The following CBX2 variants were observed in gnomAD, a reference collection of about 807,000 sequenced individuals.
The protein encoded by CBX2 is chromobox 2.
Under a neutral mutation model 21.0 loss-of-function variants are expected in CBX2, and 11 were observed. The ratio of observed to expected loss-of-function variants is 0.52; its 90% CI spans 0.33 to 0.87. CBX2 has a LOEUF of 0.87. Ranked by LOEUF, CBX2 falls within the 40% of genes least tolerant of loss-of-function variation. CBX2 has a pLI of 0.02. For synonymous variants in CBX2, 364 were observed against 304.6 expected (o/e 1.19, Z -2.03); for missense variants, 746 against 724.3 (o/e 1.03, Z -0.34).
upstream of CBX2, chr17:79,778,006 CCCCGCCCCGCCCCGCA>C (rs1336896626): frequency 6.9e-6 from 1 of 145,584 alleles, no homozygotes; most frequent in African/African-American, 2.5e-5. The surrounding 1 kb of genome is among the most constrained non-coding windows in gnomAD (Gnocchi z 4.8). Flanking sequence ...ACAATGCGCG[CCCCGCCCCGCCCCGCA>C]CCCGCCCCCC....
Position 79,783,771 on chromosome 17 carries a change from T to C in CBX2, c.328T>C (p.Ser110Pro), listed in dbSNP as rs1162618766. ...CTCCAAATCCAAGTCCAGCAGTTCC[T>C]CCTCTTCCTCCACGTCATCCTCCTC... ...APSKSKSSSS[S>P]SSSTSSSSSS... Residue 110 changes from serine (S) to proline (P), a missense_variant, in exon 5 of 5, where the codon TCC (serine) becomes CCC (proline). Ser to Pro is a moderately conservative substitution (Grantham distance 74, BLOSUM62 -1). Coordinates refer to ENST00000310942, the MANE Select transcript of CBX2 (RefSeq NM_005189.3). 2 of 1,559,304 alleles carry C rather than the reference T, an allele frequency of 1.3e-6. No individual in the cohort carries two copies. The highest frequency in any genetic ancestry group is 1.7e-6 in the Non-Finnish European group (2 of 1,151,466).
chr17:79,778,342 C>T lies in CBX2; in HGVS notation c.72+35C>T, dbSNP rs1906893319. 1 of 1,575,022 alleles carries T rather than the reference C, an allele frequency of 6.3e-7. No individual in the cohort carries two copies. Among genetic ancestry groups the T allele is most frequent in the Non-Finnish European group, 8.6e-7 (1 of 1,165,696 alleles). On this transcript the variant is annotated intron_variant, in intron 1 of 4. Transcript: ENST00000310942. This position sits in a 1 kb window ranked among gnomAD's most constrained non-coding sequence, Gnocchi z 4.8. ...GCCCGCCGGGCCCCCCGCCCGCCGC[C>T]CGCTGTCCGTCTGGCTCACGGCCCC...
intron 3 of CBX2, among the ~76,000 whole-genome samples, chr17:79,779,959 C>T (rs1168851531): frequency 6.6e-6 from 1 of 152,266 alleles, no homozygotes; most frequent in Non-Finnish European, 1.5e-5. Context: ...CTGCAGCATA[C>T]AGTACCAAGT....
rs1362384226 is a variant in CBX2 at position 79,785,309 on chromosome 17, AC to A, written c.*270del. ...TTGCTCTCCCCTCTTGCCTCAGGAAACCCGGTGGCACCTGTGGCTCCAGGTG... is the reference window on the plus strand; with the variant it reads ...TTGCTCTCCCCTCTTGCCTCAGGAAACCGGTGGCACCTGTGGCTCCAGGTG... On this transcript the variant is annotated 3_prime_UTR_variant, in exon 5 of 5. Coordinates refer to ENST00000310942, the MANE Select transcript of CBX2 (RefSeq NM_005189.3). 5.5e-6 allele frequency: 3 copies of A among 546,078 alleles called. No individual in the cohort carries two copies. The highest frequency in any genetic ancestry group is 9.9e-6 in the Non-Finnish European group (3 of 302,156). The allele number at this position is 546,078 out of a possible 1,614,324, so 33.8% of individuals were successfully genotyped here. A position where few individuals can be genotyped will look rare whatever the true frequency, so the allele number is the denominator to read the frequency against.
At chr17:79,782,419 G>T (rs563601496) in intron 4 of CBX2, 1 of 1,329,444 alleles carries the variant, frequency 7.5e-7, no homozygotes, top group African/African-American at 1.5e-5. Context: ...CCTGGGGTCC[G>T]TGGTAGGGCC....
At chr17:79,782,302 G>C (rs574033966) in intron 4 of CBX2, 2 of 1,517,314 alleles carry the variant, frequency 1.3e-6, no homozygotes, top group Non-Finnish European at 1.8e-6. Context: ...CTTGGAGGAG[G>C]GCAGAGGCAG....
chr17:79,781,406 C>T (rs576566066), intron 3 of CBX2, among the ~76,000 whole-genome samples: 3 of 152,274 alleles, frequency 2.0e-5, no homozygotes, highest in South Asian at 4.1e-4. Flanking sequence ...AGCAGTGCAC[C>T]TGCAGGAAGC....
At chr17:79,780,723 G>A (rs915626883) in intron 3 of CBX2, among the ~76,000 whole-genome samples, 7 of 152,136 alleles carry the variant, frequency 4.6e-5, no homozygotes, top group East Asian at 1.9e-4. Flanking sequence ...AGGAGCTGGC[G>A]GTTACCTGCT....
rs1239226042 is a variant in CBX2, at chr17:79,784,451, G to C, written c.1008G>C (p.Val336=). The C allele has an allele frequency of 1.6e-5, 25 of 1,611,888 alleles. No homozygotes were observed. Among genetic ancestry groups the C allele is most frequent in the Non-Finnish European group, 2.0e-5 (24 of 1,179,608 alleles). ...GPPHTHGASR[V]PAGCPGPQPA... ...CGCACACCCATGGTGCCAGCAGGGT[G>C]CCTGCTGGGTGCCCAGGCCCCCAGC... Residue 336 remains valine (V), a synonymous_variant, in exon 5 of 5, where the codon GTG becomes GTC. Coordinates refer to ENST00000310942, the MANE Select transcript of CBX2 (RefSeq NM_005189.3). This position sits in a 1 kb window ranked among gnomAD's most constrained non-coding sequence, Gnocchi z 5.9.
chr17:79,786,462 C>T lies in CBX2; in HGVS notation c.*1420C>T, dbSNP rs1390976630. On this transcript the variant is annotated 3_prime_UTR_variant, in exon 5 of 5. Coordinates refer to ENST00000310942, the MANE Select transcript of CBX2 (RefSeq NM_005189.3). ...ATCTGTCAGCCTCGGCCCTGAGGCC[C>T]CTGTTAACTCAAGACTGTGAGCTGC... is the stretch of plus-strand genomic sequence containing the variant. 6.6e-6 allele frequency: 1 copy of T among 152,506 alleles called. No individual in the cohort carries two copies. The highest frequency in any genetic ancestry group is 1.5e-5 in the Non-Finnish European group (1 of 68,090). The allele number at this position is 152,506 out of a possible 1,614,324, so 9.4% of individuals were successfully genotyped here. A position where few individuals can be genotyped will look rare whatever the true frequency, so the allele number is the denominator to read the frequency against.
Position 79,785,986 on chromosome 17 carries a change from A to T in CBX2, c.*944A>T, listed in dbSNP as rs541360384. 1 of 152,562 alleles carries T rather than the reference A, an allele frequency of 6.6e-6. No individual in the cohort carries two copies. Among genetic ancestry groups the T allele is most frequent in the African/African-American group, 2.4e-5 (1 of 41,594 alleles). 9.5% of individuals were successfully genotyped at this position (152,562 alleles called of 1,614,324 possible). On this transcript the variant is annotated 3_prime_UTR_variant, in exon 5 of 5. Transcript: ENST00000310942. Reference sequence around the variant, plus strand: ...TCCATTTCTAAAAAGCCCAGAGTTCAGTGTGTCCCAAGGAAAACCCAAAGT... The same window carrying T: ...TCCATTTCTAAAAAGCCCAGAGTTCTGTGTGTCCCAAGGAAAACCCAAAGT...
At chr17:79,779,290 C>A in intron 2 of CBX2, 72 bp from the exon 3 acceptor site, 2 of 1,442,362 alleles carry the variant, frequency 1.4e-6, no homozygotes, top group South Asian at 1.2e-5. Context: ...GAGGGCGAGC[C>A]CCCTCGGGCT....
At chr17:79,779,102 T>G (rs780262421) in intron 2 of CBX2, among the ~76,000 whole-genome samples, 33 of 152,194 alleles carry the variant, frequency 2.2e-4, no homozygotes, top group Non-Finnish European at 3.8e-4. Flanking sequence ...GCAGAGACTG[T>G]GGGAGTCCTC....
chr17:79,777,961 C>A (rs1262703972), upstream of CBX2, among the ~76,000 whole-genome samples: 3 of 144,470 alleles, frequency 2.1e-5, no homozygotes, highest in Non-Finnish European at 4.6e-5. Flanking sequence ...CCGCGCGGGA[C>A]CCCCCGCCGG....
rs190149344 is a variant in CBX2, at chr17:79,782,769, T to C, written c.289-963T>C. Among the ~76,000 whole-genome samples, 50 of 152,238 alleles carry C rather than the reference T, an allele frequency of 3.3e-4. 1 individual carries two copies. The East Asian group carries it at 9.3e-3, about 28-fold the overall frequency. ...CCTTGTTTGAGGAGGTTTGAGGAGA[T>C]CACTCCTGTTGAAGTTGGGAGAACG... On this transcript the variant is annotated intron_variant, in intron 4 of 4. Coordinates refer to ENST00000310942, the MANE Select transcript of CBX2 (RefSeq NM_005189.3).
In CBX2 at chr17:79,783,992, C is replaced by T; in HGVS notation, c.549C>T (p.Ala183=). 6.2e-7 allele frequency: 1 copy of T among 1,613,600 alleles called. No homozygotes were observed. The highest frequency in any genetic ancestry group is 8.5e-7 in the Non-Finnish European group (1 of 1,180,040). The change falls in exon 5 of 5, where the codon GCC becomes GCT. Residue 183 remains alanine, a synonymous_variant. Coordinates refer to ENST00000310942, the MANE Select transcript of CBX2 (RefSeq NM_005189.3). ...CAACCCGAAGACCCGTGAGCCTGGCCAAGGTGCTGAAGACCGCCCGGAAGG... is the reference window on the plus strand; with the variant it reads ...CAACCCGAAGACCCGTGAGCCTGGCTAAGGTGCTGAAGACCGCCCGGAAGG... ...QKATRRPVSL[A]KVLKTARKDL... is the part of the protein sequence containing the mutation.
Position 79,784,420 on chromosome 17 carries a change from GC to G in CBX2, c.983del (p.Pro328ArgfsTer24), listed in dbSNP as rs1356923609. The G allele has an allele frequency of 6.2e-7, 1 of 1,611,652 alleles. No homozygotes were observed. Among genetic ancestry groups the G allele is most frequent in the Non-Finnish European group, 8.5e-7 (1 of 1,179,364 alleles). On this transcript the variant is annotated frameshift_variant, in exon 5 of 5. Coordinates refer to ENST00000310942, the MANE Select transcript of CBX2 (RefSeq NM_005189.3). LOFTEE classifies it low-confidence loss of function (END_TRUNC). This position sits in a 1 kb window ranked among gnomAD's most constrained non-coding sequence, Gnocchi z 5.9. ...GAGCAGAAAGTGGGGAACACAGGGG[GC>G]CCCCCGCACACCCATGGTGCCAGCA... ...AVEQKVGNTG[G>X]PPHTHGASRV... is the part of the protein sequence containing the mutation.
intron 3 of CBX2, 92 bp from the exon 4 acceptor site, chr17:79,781,604 A>G: frequency 9.1e-7 from 1 of 1,102,190 alleles, no homozygotes; most frequent in Non-Finnish European, 1.4e-6. Flanking sequence ...TTACAGGCCA[A>G]CAGGAATAGG....
rs532357883 is a variant in CBX2, at chr17:79,783,657, G to A, written c.289-75G>A. 1.6e-4 allele frequency: 213 copies of A among 1,316,186 alleles called. No homozygotes were observed. In the East Asian group the frequency reaches 3.8e-3, roughly 23 times the overall value. 81.5% of individuals were successfully genotyped at this position (1,316,186 alleles called of 1,614,324 possible). ...ACTCCTGACCTCAGGTGATCCACCC[G>A]CTTCGGCCTCCCAAAGTGCTGGGAT... On this transcript the variant is annotated intron_variant, in intron 4 of 4. Coordinates refer to ENST00000310942, the MANE Select transcript of CBX2 (RefSeq NM_005189.3).
Sources: allele counts gnomAD v4.1 joint callset (sites outside exome capture counted in the v4.1 genomes callset), GRCh38; gene constraint gnomAD v4.1.1; non-coding constraint Gnocchi (gnomAD v3.1); transcripts MANE v1.5; gene names NCBI Gene and HGNC (gene_info 2026-07-23, HGNC 2026-07-21).